The following FUBP3 variants were observed in gnomAD, a reference collection of about 807,000 sequenced individuals.
FUBP3 encodes far upstream element-binding protein 3.
FUBP3 carries 28 observed loss-of-function variants against 85.6 expected under a neutral mutation model. The ratio of observed to expected loss-of-function variants is 0.33; its 90% CI spans 0.24 to 0.45. The LOEUF is 0.45. FUBP3 is among the 20% of genes least tolerant of loss of function. The probability of loss-of-function intolerance (pLI) is 1.00; values close to 1 mark genes in which losing one functional copy is unlikely to be tolerated. For synonymous variants in FUBP3, 271 were observed against 271.4 expected, an observed-to-expected ratio of 1.00 and a Z score of 0.01; for missense variants, 583 against 755.1, an observed-to-expected ratio of 0.77 and a Z score of 2.67.
At position 130,595,568 on chromosome 9, in the gene FUBP3, A is replaced by G. The variant is rs1483701485; in HGVS notation, c.170A>G (p.Lys57Arg). The G allele has an allele frequency of 8.6e-6, 13 of 1,517,348 alleles. No individual in the cohort carries two copies. The highest frequency in any genetic ancestry group is 1.2e-5 in the Non-Finnish European group (13 of 1,094,268). The allele number at this position is 1,517,348 out of a possible 1,614,324, so 94.0% of individuals were successfully genotyped here. The change falls in exon 2 of 19, where the codon AAA (lysine) becomes AGA (arginine). Residue 57 changes from lysine (K) to arginine (R), a missense_variant. Lys to Arg is a conservative substitution (Grantham distance 26). Coordinates refer to ENST00000319725, the MANE Select transcript of FUBP3 (RefSeq NM_003934.2). The part of the protein sequence containing the change: ...DPSVYGYGVQ[K>R]RPLDDGVGNQ... ...TCAGTATATGGATACGGAGTACAAA[A>G]ACGGCCCTTGGATGATGGAGGTAAG...
chr9:130,594,770 A>T (rs982654551), intron 1 of FUBP3, among the ~76,000 whole-genome samples: 1 of 151,994 alleles, frequency 6.6e-6, no homozygotes. Flanking sequence ...ACATTTGAGC[A>T]CATGAGGCCT....
rs201193874 is a variant in FUBP3 at position 130,626,391 on chromosome 9, G to A, written c.1003G>A (p.Ala335Thr). 9.9e-6 allele frequency: 16 copies of A among 1,613,482 alleles called. No individual in the cohort carries two copies. Among genetic ancestry groups the A allele is most frequent in the Admixed American group, 5.0e-5 (3 of 59,924 alleles). Residue 335 changes from alanine to threonine, a missense_variant, in exon 12 of 19, where the codon GCA becomes ACA. Physicochemically the swap from Ala to Thr is moderately conservative, Grantham distance 58. Transcript: ENST00000319725. Reference sequence around the variant, plus strand: ...AAGAGACGGCTTTGGAGGCCTGGCAGCAGCCAGAGGAAGAGGTCGTGGCCG... The same window carrying A: ...AAGAGACGGCTTTGGAGGCCTGGCAACAGCCAGAGGAAGAGGTCGTGGCCG... The part of the protein sequence containing the change: ...QERDGFGGLA[A>T]ARGRGRGRGD...
chr9:130,592,213 CAG>C (rs1206867582), intron 1 of FUBP3, among the ~76,000 whole-genome samples: 1 of 152,182 alleles, frequency 6.6e-6, no homozygotes, highest in African/African-American at 2.4e-5. Flanking sequence ...GCCTGGGCAA[CAG>C]AGCAAGACTC....
At chr9:130,605,804 T>TA (rs1352220786) in intron 2 of FUBP3, among the ~76,000 whole-genome samples, 1 of 152,126 alleles carries the variant, frequency 6.6e-6, no homozygotes, top group African/African-American at 2.4e-5. Flanking sequence ...GCCAACATGG[T>TA]AAAACCCCAT....
At chr9:130,613,281 C>T (rs181573758) in intron 5 of FUBP3, among the ~76,000 whole-genome samples, 1 of 152,362 alleles carries the variant, frequency 6.6e-6, no homozygotes, top group East Asian at 1.9e-4. Context: ...TTCCCAAACA[C>T]CTGCCACTCT....
chr9:130,593,556 C>G (rs1484204350), intron 1 of FUBP3, among the ~76,000 whole-genome samples: 1 of 152,200 alleles, frequency 6.6e-6, no homozygotes, highest in Non-Finnish European at 1.5e-5. Flanking sequence ...TCACAGAACT[C>G]GTAAATGTAA....
In FUBP3 at chr9:130,631,590, CAG is replaced by C; in HGVS notation, c.1315_1316del (p.Pro440IlefsTer177). 6.2e-7 allele frequency: 1 copy of C among 1,614,002 alleles called. No individual in the cohort carries two copies. The highest frequency in any genetic ancestry group is 8.5e-7 in the Non-Finnish European group (1 of 1,179,862). On this transcript the variant is annotated frameshift_variant, in exon 14 of 19. Transcript: ENST00000319725. LOFTEE classifies it high-confidence loss of function. ...TNLGAPGAFG[Q>X]SPFSQPPAPP... ...TCTCGGAGCACCTGGAGCCTTCGGA[CAG>C]AGTCCATTCAGCCAGCCACCTGCCC...
At position 130,617,835 on chromosome 9, in the gene FUBP3, C is replaced by T; in HGVS notation, c.606C>T (p.Gly202=). ...TGAAGATGGTCATGATCCAGGATGG[C>T]CCATTGCCCACGGGAGCAGACAAGC... is the stretch of plus-strand genomic sequence containing the variant. ...TGVKMVMIQD[G]PLPTGADKPL... Residue 202 remains glycine (G), a synonymous_variant, in exon 8 of 19, where the codon GGC becomes GGT. Transcript: ENST00000319725. 6.2e-7 allele frequency: 1 copy of T among 1,609,082 alleles called. No individual in the cohort carries two copies. The highest frequency in any genetic ancestry group is 8.5e-7 in the Non-Finnish European group (1 of 1,175,480).
chr9:130,622,784 C>G lies in FUBP3; in HGVS notation c.848C>G (p.Ala283Gly). ...GEMIKKIQND[A>G]GVRIQFKPDD... is the part of the protein sequence containing the mutation. ...ATGATCAAAAAGATCCAGAATGATG[C>G]TGGTGTGAGGATTCAGTTTAAACCA... is the stretch of plus-strand genomic sequence containing the variant. Residue 283 changes from alanine (A) to glycine (G), a missense_variant, in exon 10 of 19, where the codon GCT becomes GGT. Physicochemically the swap from Ala to Gly is moderately conservative, Grantham distance 60 (BLOSUM62 0). This residue lies in a region of FUBP3 where 404 missense variants were observed against 516.8 expected (regional missense o/e 0.78). Transcript: ENST00000319725. 1 of 1,580,846 alleles carries G rather than the reference C, an allele frequency of 6.3e-7. No homozygotes were observed. Among genetic ancestry groups the G allele is most frequent in the Non-Finnish European group, 8.7e-7 (1 of 1,153,450 alleles).
intron 2 of FUBP3, among the ~76,000 whole-genome samples, chr9:130,600,120 C>CCTCCCTCT (rs1412738300): frequency 1.1e-4 from 16 of 148,090 alleles, no homozygotes; most frequent in African/African-American, 3.3e-4. Flanking sequence ...TCCCTCCCTC[C>CCTCCCTCT]CTCCCTCTTT....
chr9:130,614,912 C>T (rs770972774), intron 6 of FUBP3, among the ~76,000 whole-genome samples: 2 of 152,170 alleles, frequency 1.3e-5, no homozygotes, highest in Non-Finnish European at 2.9e-5. Context: ...ATACTCAGAA[C>T]CTTATACCAG....
chr9:130,609,355 C>T (rs1588140078), intron 2 of FUBP3, among the ~76,000 whole-genome samples: 1 of 150,980 alleles, frequency 6.6e-6, no homozygotes, highest in South Asian at 2.1e-4. Flanking sequence ...GTGTCCGCTG[C>T]ACATGGACTG....
chr9:130,597,548 G>A (rs927323497), intron 2 of FUBP3, among the ~76,000 whole-genome samples: 1 of 152,150 alleles, frequency 6.6e-6, no homozygotes, highest in African/African-American at 2.4e-5. Flanking sequence ...CTAGAAGGTG[G>A]CCAGGTAAAC....
chr9:130,615,731 G>A (rs1831970508), intron 6 of FUBP3, among the ~76,000 whole-genome samples: 1 of 152,198 alleles, frequency 6.6e-6, no homozygotes, highest in African/African-American at 2.4e-5. Context: ...CCCAAAGCAG[G>A]TGTCTGTGAG....
intron 2 of FUBP3, among the ~76,000 whole-genome samples, chr9:130,608,747 T>C (rs947223399): frequency 6.6e-6 from 1 of 152,242 alleles, no homozygotes; most frequent in Admixed American, 6.5e-5. Flanking sequence ...AGAAGAAATA[T>C]GGTATTGACT....
At chr9:130,583,339 A>G (rs761047676) in intron 1 of FUBP3, among the ~76,000 whole-genome samples, 1 of 152,242 alleles carries the variant, frequency 6.6e-6, no homozygotes, top group Non-Finnish European at 1.5e-5. Flanking sequence ...TTAATGCTTT[A>G]AGATTCTGAC....
chr9:130,599,246 C>T (rs953505265), intron 2 of FUBP3, among the ~76,000 whole-genome samples: 4 of 151,924 alleles, frequency 2.6e-5, no homozygotes, highest in African/African-American at 7.3e-5. Flanking sequence ...GAGCCAAGAT[C>T]GCACCACTGC....
Position 130,593,557 on chromosome 9 carries a change from G to A in FUBP3, c.85-1926G>A, listed in dbSNP as rs1275796549. 2.6e-5 allele frequency among the ~76,000 whole-genome samples: 4 copies of A among 152,374 alleles called. No homozygotes were observed. The East Asian group carries it at 5.8e-4, about 22-fold the overall frequency. On this transcript the variant is annotated intron_variant, in intron 1 of 18. Transcript: ENST00000319725. Reference sequence around the variant, plus strand: ...GGCTTGCCTCAACATCACAGAACTCGTAAATGTAAGGGATGATGTCTGCTG... The same window carrying A: ...GGCTTGCCTCAACATCACAGAACTCATAAATGTAAGGGATGATGTCTGCTG...
At chr9:130,626,180 T>TA (rs1829963557) in intron 11 of FUBP3, 184 bp from the exon 12 acceptor site, 3 of 611,816 alleles carry the variant, frequency 4.9e-6, no homozygotes, top group African/African-American at 1.8e-5. Context: ...CCTCCCCAGA[T>TA]ACACCTGTGA....
Sources: gnomAD v4.1 joint callset for allele counts (sites outside exome capture counted in the v4.1 genomes callset) on GRCh38, gnomAD v4.1.1 for gene constraint, gnomAD v4.1.1 regional missense constraint, MANE v1.5 for transcripts, NCBI Gene and HGNC (gene_info 2026-07-23, HGNC 2026-07-21) for gene names.